KLHDC1: variants seen among roughly 807,000 people sequenced by gnomAD.
KLHDC1 encodes the protein kelch domain-containing protein 1.
In KLHDC1, 53 loss-of-function variants were observed where a neutral mutation model predicts 68.3. The ratio of observed to expected loss-of-function variants is 0.78; its 90% confidence interval spans 0.62 to 0.98. The LOEUF (loss-of-function observed/expected upper bound fraction) is 0.98, where lower values mean the gene tolerates loss of function less well. KLHDC1 is among the 50% of genes least tolerant of loss of function. KLHDC1 has a pLI of 0.00. For missense variants in KLHDC1, 470 were observed against 492.3 expected, an observed-to-expected ratio of 0.95 and a Z score of 0.43; for synonymous variants, 148 against 159.0, an observed-to-expected ratio of 0.93 and a Z score of 0.52.
At chr14:49,695,665 CAA>C (rs1366210083) in intron 1 of KLHDC1, among the ~76,000 whole-genome samples, 1 of 152,230 alleles carries the variant, frequency 6.6e-6, no homozygotes. Flanking sequence ...TAGCCACTAA[CAA>C]GAGAATTAGC....
rs373238359 is a variant in KLHDC1, at chr14:49,693,173, C to G, written c.-22C>G. ...CGGGCAGGGGTTGTGGCGCGGCAAG[C>G]GGCGGGCCAGCGACGGCGCGAATGG... On this transcript the variant is annotated 5_prime_UTR_variant, in exon 1 of 13. Transcript: ENST00000359332. 1.1e-5 allele frequency: 18 copies of G among 1,569,744 alleles called. No individual in the cohort carries two copies. Among genetic ancestry groups the G allele is most frequent in the Non-Finnish European group, 1.5e-5 (17 of 1,159,368 alleles).
At chr14:49,741,065 G>T (rs968792133) in intron 11 of KLHDC1, among the ~76,000 whole-genome samples, 2 of 152,122 alleles carry the variant, frequency 1.3e-5, no homozygotes, top group African/African-American at 4.8e-5. Flanking sequence ...TTGTACTCCA[G>T]TCTGGGTGAC....
intron 1 of KLHDC1, among the ~76,000 whole-genome samples, chr14:49,698,261 TGGCACGATC>T (rs2139727091): frequency 6.6e-6 from 1 of 152,296 alleles, no homozygotes; most frequent in African/African-American, 2.4e-5. Context: ...TGGAGTGCAG[TGGCACGATC>T]TCGGCTCACT....
intron 1 of KLHDC1, among the ~76,000 whole-genome samples, chr14:49,700,549 A>G (rs1397570522): frequency 6.6e-6 from 1 of 152,076 alleles, no homozygotes; most frequent in Non-Finnish European, 1.5e-5. Flanking sequence ...GTGCCATCGC[A>G]CTCCAGCCTG....
chr14:49,747,706 T>A (rs1889232946), intron 12 of KLHDC1, among the ~76,000 whole-genome samples: 2 of 152,136 alleles, frequency 1.3e-5, no homozygotes. Context: ...TTGAAGTAGC[T>A]GCCTAGGTGA....
chr14:49,696,067 GAA>G (rs879851434), intron 1 of KLHDC1, among the ~76,000 whole-genome samples: 84 of 113,620 alleles, frequency 7.4e-4, no homozygotes, highest in African/African-American at 2.3e-3. Flanking sequence ...CTCTGTCTCA[GAA>G]AAAAAAAAAA....
intron 12 of KLHDC1, among the ~76,000 whole-genome samples, chr14:49,749,427 G>T: frequency 6.6e-6 from 1 of 151,882 alleles, no homozygotes; most frequent in East Asian, 1.9e-4. Flanking sequence ...CAGCACTTTG[G>T]GAGGTCAAGG....
intron 4 of KLHDC1, among the ~76,000 whole-genome samples, chr14:49,723,111 AAAAGAAG>A (rs1888576572): frequency 2.1e-5 from 3 of 146,170 alleles, no homozygotes; most frequent in East Asian, 2.0e-4. Context: ...AAAAAAAAAA[AAAAGAAG>A]AGAAAACCAT....
chr14:49,730,738 C>T (rs1888785347), intron 8 of KLHDC1, among the ~76,000 whole-genome samples: 1 of 152,032 alleles, frequency 6.6e-6, no homozygotes, highest in Admixed American at 6.6e-5. Context: ...TTTGGGAAAC[C>T]GAGGCAGGTG....
chr14:49,724,019 G>A (rs897398997), intron 5 of KLHDC1, 67 bp downstream of exon 5: 2 of 860,748 alleles, frequency 2.3e-6, no homozygotes, highest in Non-Finnish European at 3.7e-6. Flanking sequence ...TAGAAATAAT[G>A]AGTCTAGTCT....
intron 4 of KLHDC1, among the ~76,000 whole-genome samples, chr14:49,719,210 G>C (rs1425810945): frequency 6.6e-6 from 1 of 151,812 alleles, no homozygotes; most frequent in Non-Finnish European, 1.5e-5. Context: ...GTTATGTTAT[G>C]GATTTGAGAT....
intron 9 of KLHDC1, 102 bp downstream of exon 9, chr14:49,732,918 C>A (rs1261065884): frequency 3.1e-6 from 2 of 648,298 alleles, no homozygotes; most frequent in South Asian, 4.2e-5. Context: ...TCCTGTTTTT[C>A]TGGTTTGCCT....
At chr14:49,747,250 A>G (rs2139771296) in intron 12 of KLHDC1, among the ~76,000 whole-genome samples, 1 of 152,280 alleles carries the variant, frequency 6.6e-6, no homozygotes, top group East Asian at 1.9e-4. Flanking sequence ...CCCAGCCTTA[A>G]CTTTCTTTCA....
intron 10 of KLHDC1, among the ~76,000 whole-genome samples, chr14:49,738,344 T>G (rs557091650): frequency 4.1e-5 from 6 of 147,962 alleles, no homozygotes; most frequent in South Asian, 2.1e-4. Context: ...GTTTTTTTGT[T>G]TTTTTTTTTT....
chr14:49,700,905 A>G (rs774016947), intron 1 of KLHDC1, among the ~76,000 whole-genome samples: 2 of 152,112 alleles, frequency 1.3e-5, no homozygotes, highest in Non-Finnish European at 2.9e-5. Context: ...ACACGGTGAA[A>G]CCTCGTCTCT....
At chr14:49,697,679 T>C (rs1206445666) in intron 1 of KLHDC1, among the ~76,000 whole-genome samples, 1 of 152,142 alleles carries the variant, frequency 6.6e-6, no homozygotes, top group East Asian at 1.9e-4. Flanking sequence ...CAGATTCAAG[T>C]TGGTTTTTGT....
intron 4 of KLHDC1, among the ~76,000 whole-genome samples, chr14:49,714,380 G>A (rs184259236): frequency 2.0e-5 from 3 of 151,956 alleles, no homozygotes; most frequent in African/African-American, 7.2e-5. Context: ...GGATGAGGCA[G>A]AACAATGGCT....
chr14:49,723,620 C>T (rs1052990088), intron 4 of KLHDC1, among the ~76,000 whole-genome samples: 4 of 152,140 alleles, frequency 2.6e-5, no homozygotes, highest in African/African-American at 4.8e-5. Context: ...TTCTTACAAG[C>T]CCTGTATGTG....
At chr14:49,731,271 G>T (rs145234982) in intron 8 of KLHDC1, among the ~76,000 whole-genome samples, 62 of 151,910 alleles carry the variant, frequency 4.1e-4, no homozygotes, top group African/African-American at 1.5e-3. Context: ...CGAGCAAAAC[G>T]CCGCCTCAAA....
Sources: allele counts gnomAD v4.1 joint callset (sites outside exome capture counted in the v4.1 genomes callset), GRCh38; gene constraint gnomAD v4.1.1; transcripts MANE v1.5; gene names NCBI Gene and HGNC (gene_info 2026-07-23, HGNC 2026-07-21).